The following OSBPL8 variants were observed in gnomAD, a reference collection of about 807,000 sequenced individuals.
OSBPL8 encodes the protein oxysterol-binding protein-related protein 8.
In OSBPL8, 59 loss-of-function variants were observed where a neutral mutation model predicts 125.5. The ratio of observed to expected loss-of-function variants is 0.47; its 90% confidence interval spans 0.38 to 0.58. OSBPL8 has a LOEUF of 0.58. Among genes scored for constraint, OSBPL8 ranks in the 20% least tolerant of loss-of-function variants. The pLI, the probability that OSBPL8 is intolerant of heterozygous loss-of-function variation, is 0.00. For synonymous variants in OSBPL8, 330 were observed against 338.9 expected (o/e 0.97, Z 0.29); for missense variants, 758 against 1,047.8 (o/e 0.72, Z 3.82).
At chr12:76,396,369 T>C (rs1033863932) in intron 8 of OSBPL8, among the ~76,000 whole-genome samples, 1 of 152,172 alleles carries the variant, frequency 6.6e-6, no homozygotes, top group Non-Finnish European at 1.5e-5. Context: ...TTAACCGTAA[T>C]CTCAATTAGT....
intron 8 of OSBPL8, among the ~76,000 whole-genome samples, chr12:76,394,936 C>A (rs910114227): frequency 6.6e-6 from 1 of 151,968 alleles, no homozygotes; most frequent in Non-Finnish European, 1.5e-5. Flanking sequence ...TAGCAGAAAA[C>A]TGAACAAATG....
At position 76,427,046 on chromosome 12, in the gene OSBPL8, C is replaced by T. The variant is rs537511072; in HGVS notation, c.218-16412G>A. Among the ~76,000 whole-genome samples, 103 of 152,214 alleles carry T rather than the reference C, an allele frequency of 6.8e-4. 2 individuals carry two copies. The highest frequency in any genetic ancestry group is 4.6e-4 in the Admixed American group (7 of 15,284). On this transcript the variant is annotated intron_variant, in intron 4 of 23. Coordinates refer to ENST00000261183, the MANE Select transcript of OSBPL8 (RefSeq NM_020841.5). ...AATAAGAAGGCCATCTTTCCTACTT[C>T]ATCTGAATGGTGGTAAAATAAATGT... is the stretch of plus-strand genomic sequence containing the variant.
chr12:76,391,338 C>A (rs2136296675), intron 10 of OSBPL8, among the ~76,000 whole-genome samples: 1 of 152,078 alleles, frequency 6.6e-6, no homozygotes, highest in African/African-American at 2.4e-5. Flanking sequence ...GTGATTAGGG[C>A]AAAAAATCTG....
intron 4 of OSBPL8, among the ~76,000 whole-genome samples, chr12:76,412,503 A>G (rs1382822283): frequency 6.6e-6 from 1 of 152,088 alleles, no homozygotes; most frequent in Non-Finnish European, 1.5e-5. Flanking sequence ...TTGACATCCT[A>G]TGCCACCTAG....
intron 15 of OSBPL8, among the ~76,000 whole-genome samples, 173 bp downstream of exon 15, chr12:76,384,081 A>G (rs544715331): frequency 6.6e-6 from 1 of 152,216 alleles, no homozygotes; most frequent in Non-Finnish European, 1.5e-5. Flanking sequence ...TGATGAATAC[A>G]TAAGCCACAC....
chr12:76,360,050 C>T lies in OSBPL8; in HGVS notation c.2329-1239G>A, dbSNP rs867762426. On this transcript the variant is annotated intron_variant, in intron 21 of 23. Transcript: ENST00000261183. Reference sequence around the variant, plus strand: ...CAATCATGCCTTCCCAACAGTCCCCCAAAGTCTTAATTCATTTCAGCATTA... The same window carrying T: ...CAATCATGCCTTCCCAACAGTCCCCTAAAGTCTTAATTCATTTCAGCATTA... Among the ~76,000 whole-genome samples the T allele has an allele frequency of 6.8e-4, 104 of 152,286 alleles. 1 individual carries two copies. Among genetic ancestry groups the T allele is most frequent in the Middle Eastern group, 6.8e-3 (2 of 292 alleles).
intron 1 of OSBPL8, among the ~76,000 whole-genome samples, chr12:76,531,378 TAA>T (rs1174652580): frequency 3.3e-5 from 5 of 152,226 alleles, no homozygotes; most frequent in African/African-American, 9.6e-5. Flanking sequence ...AATTCAATGG[TAA>T]TAAAGTATTC....
intron 2 of OSBPL8, among the ~76,000 whole-genome samples, chr12:76,460,751 G>C (rs999150366): frequency 1.3e-5 from 2 of 152,104 alleles, no homozygotes; most frequent in Non-Finnish European, 2.9e-5. Context: ...CTTTGGTTCT[G>C]GTAGAAACAG....
At chr12:76,433,224 C>T (rs1028507816) in intron 4 of OSBPL8, among the ~76,000 whole-genome samples, 1 of 151,894 alleles carries the variant, frequency 6.6e-6, no homozygotes, top group Non-Finnish European at 1.5e-5. Context: ...GAAGTCCTAG[C>T]CAGAAGAATT....
At chr12:76,358,486 G>A (rs939164177) in intron 22 of OSBPL8, among the ~76,000 whole-genome samples, 11 of 151,974 alleles carry the variant, frequency 7.2e-5, no homozygotes, top group African/African-American at 2.7e-4. Flanking sequence ...CCTGCCTAGA[G>A]TGTGGTTTTT....
chr12:76,453,918 T>G (rs1346687432), intron 3 of OSBPL8, among the ~76,000 whole-genome samples: 1 of 152,006 alleles, frequency 6.6e-6, no homozygotes, highest in Admixed American at 6.6e-5. Context: ...AAAAGAAAAA[T>G]GCAAATGGGC....
chr12:76,548,628 G>A (rs1413066729), intron 1 of OSBPL8, among the ~76,000 whole-genome samples: 1 of 151,928 alleles, frequency 6.6e-6, no homozygotes, highest in Non-Finnish European at 1.5e-5. Flanking sequence ...AGCATTTAAA[G>A]GGCCCATACA....
At chr12:76,486,989 C>T (rs753662190) in intron 2 of OSBPL8, among the ~76,000 whole-genome samples, 9 of 148,476 alleles carry the variant, frequency 6.1e-5, no homozygotes, top group Non-Finnish European at 1.0e-4. Context: ...AACTGGTGTG[C>T]TCCAACAAAC....
intron 21 of OSBPL8, among the ~76,000 whole-genome samples, chr12:76,367,245 T>G (rs984074105): frequency 3.3e-5 from 5 of 151,938 alleles, no homozygotes; most frequent in African/African-American, 1.2e-4. Flanking sequence ...TGTGTGTGTG[T>G]GTGTGTGTGT....
At chr12:76,516,897 C>T (rs1261010320) in intron 1 of OSBPL8, among the ~76,000 whole-genome samples, 5 of 151,682 alleles carry the variant, frequency 3.3e-5, no homozygotes, top group Admixed American at 2.0e-4. Flanking sequence ...TCACCACAAC[C>T]TCCACCTCCT....
intron 4 of OSBPL8, among the ~76,000 whole-genome samples, chr12:76,421,471 T>C (rs1869472718): frequency 6.6e-6 from 1 of 152,066 alleles, no homozygotes; most frequent in Non-Finnish European, 1.5e-5. Flanking sequence ...TCAGTCAATT[T>C]ATAATTTATT....
At chr12:76,417,243 C>A (rs1868797079) in intron 4 of OSBPL8, among the ~76,000 whole-genome samples, 1 of 152,186 alleles carries the variant, frequency 6.6e-6, no homozygotes, top group African/African-American at 2.4e-5. Context: ...CCTGTAGCTT[C>A]TACTGTTTCA....
intron 1 of OSBPL8, among the ~76,000 whole-genome samples, chr12:76,544,020 A>G (rs1335295046): frequency 6.6e-6 from 1 of 152,184 alleles, no homozygotes; most frequent in Non-Finnish European, 1.5e-5. Context: ...AAATCACAGT[A>G]GCACCAACAC....
intron 2 of OSBPL8, among the ~76,000 whole-genome samples, chr12:76,465,890 C>T (rs1046124799): frequency 6.6e-6 from 1 of 151,652 alleles, no homozygotes; most frequent in Non-Finnish European, 1.5e-5. Flanking sequence ...CCTGTAATCC[C>T]AGATACTCTG....
Sources: allele counts gnomAD v4.1 joint callset (sites outside exome capture counted in the v4.1 genomes callset), GRCh38; gene constraint gnomAD v4.1.1; transcripts MANE v1.5; gene names NCBI Gene and HGNC (gene_info 2026-07-23, HGNC 2026-07-21).